NOL4L: variants seen among roughly 807,000 people sequenced by gnomAD.
NOL4L encodes the protein nucleolar protein 4 like.
A neutral mutation model predicts 64.5 loss-of-function variants in NOL4L; 7 were observed. That is an observed-to-expected ratio of 0.11 (90% confidence interval 0.06 to 0.20). The LOEUF (loss-of-function observed/expected upper bound fraction) is 0.20. Ranked by LOEUF, NOL4L falls within the 10% of genes least tolerant of loss-of-function variation. The pLI, the probability that NOL4L is intolerant of heterozygous loss-of-function variation, is 1.00. For missense variants in NOL4L, 680 were observed against 967.1 expected (o/e 0.70, Z 3.94); for synonymous variants, 413 against 401.0 (o/e 1.03, Z -0.36).
chr20:32,473,138 G>A (rs1457827572), intron 5 of NOL4L, among the ~76,000 whole-genome samples: 1 of 152,228 alleles, frequency 6.6e-6, no homozygotes, highest in Non-Finnish European at 1.5e-5. Context: ...AGATCTGCTT[G>A]GGAATGAGTA....
Position 32,584,639 on chromosome 20 carries a change from G to T in NOL4L, c.252C>A (p.Gly84=). ...GKFQFWVRSK[G]FRLGSGREPK... The stretch of plus-strand genomic sequence containing the variant: ...GTTCCCGGCCGCTGCCCAGGCGGAA[G>T]CCCTTGGAGCGCACCCAGAACTGGA... Residue 84 remains glycine (G), a synonymous_variant, in exon 1 of 11, where the codon GGC becomes GGA. Transcript: ENST00000621426. 3.2e-6 allele frequency: 5 copies of T among 1,541,578 alleles called. No individual in the cohort carries two copies. The highest frequency in any genetic ancestry group is 4.4e-6 in the Non-Finnish European group (5 of 1,142,558).
rs1174218793 is a variant in NOL4L at position 32,536,805 on chromosome 20, G to T, written c.322-8892C>A. Among the ~76,000 whole-genome samples, 478 of 122,056 alleles carry T rather than the reference G, an allele frequency of 3.9e-3. 23 individuals carry two copies. Among genetic ancestry groups the T allele is most frequent in the African/African-American group, 0.013 (448 of 33,494 alleles). 80.1% of individuals were successfully genotyped at this position (122,056 alleles called of 152,430 possible). On this transcript the variant is annotated intron_variant, in intron 1 of 10. Transcript: ENST00000621426. ...GCTGCAGCCCGGCTGGGAGTGGGGG[G>T]GGGGGGGCGCACCAACGGGGCGGGG...
At chr20:32,520,726 T>C (rs2017899404) in intron 3 of NOL4L, 85 bp downstream of exon 3, 1 of 794,080 alleles carries the variant, frequency 1.3e-6, no homozygotes, top group Non-Finnish European at 2.0e-6. Context: ...GACACTTTTC[T>C]GTGCCAGCAA....
chr20:32,473,218 G>T (rs2015143923), intron 5 of NOL4L, among the ~76,000 whole-genome samples: 1 of 152,224 alleles, frequency 6.6e-6, no homozygotes, highest in African/African-American at 2.4e-5. Flanking sequence ...CTTCTTGTGG[G>T]GGACCACAGC....
intron 1 of NOL4L, chr20:32,536,344 G>A: frequency 1.0e-6 from 1 of 984,776 alleles, no homozygotes; most frequent in Non-Finnish European, 1.2e-6. Context: ...CGAGCGGAGA[G>A]CCCCAGGTGC....
At chr20:32,497,247 G>A (rs1040384259) in intron 4 of NOL4L, among the ~76,000 whole-genome samples, 1 of 30,868 alleles carries the variant, frequency 3.2e-5, no homozygotes, top group Non-Finnish European at 7.3e-5. Flanking sequence ...CCACCCACCC[G>A]CCCCATGGAG....
chr20:32,488,370 A>G (rs115827360), intron 4 of NOL4L, among the ~76,000 whole-genome samples: 1,629 of 152,286 alleles, frequency 0.011, 37 homozygotes, highest in African/African-American at 0.036. Context: ...CATTGTGGAA[A>G]TGAGGGTGTG....
chr20:32,471,382 C>T (rs1479007883), intron 5 of NOL4L, among the ~76,000 whole-genome samples: 1 of 149,208 alleles, frequency 6.7e-6, no homozygotes, highest in Admixed American at 6.6e-5. Context: ...AGAGCAGACA[C>T]TCACCCCGGT....
At chr20:32,569,095 T>C (rs1466675338) in intron 1 of NOL4L, among the ~76,000 whole-genome samples, 3 of 152,130 alleles carry the variant, frequency 2.0e-5, no homozygotes, top group Non-Finnish European at 4.4e-5. Flanking sequence ...AAACACAGCT[T>C]TGTCAGATGT....
chr20:32,584,998 T>C lies in NOL4L; in HGVS notation c.-108A>G. ...CGGGCCGGGACGCGCCGCGGCCGCG[T>C]CTGTCCCGCGGTGTGGCTCCGGCGA... is the stretch of plus-strand genomic sequence containing the variant. On this transcript the variant is annotated 5_prime_UTR_variant, in exon 1 of 11. Coordinates refer to ENST00000621426, the MANE Select transcript of NOL4L (RefSeq NM_001256798.2). The C allele has an allele frequency of 1.7e-6, 1 of 592,562 alleles. No individual in the cohort carries two copies. 36.7% of individuals were successfully genotyped at this position (592,562 alleles called of 1,614,324 possible).
At chr20:32,572,378 T>A (rs1220496414) in intron 1 of NOL4L, 1 of 152,186 alleles carries the variant, frequency 6.6e-6, no homozygotes, top group Non-Finnish European at 1.5e-5. Flanking sequence ...TTGTTCTCAC[T>A]CCACAGCAGA....
intron 1 of NOL4L, among the ~76,000 whole-genome samples, chr20:32,551,652 C>T (rs575811442): frequency 6.6e-6 from 1 of 151,924 alleles, no homozygotes; most frequent in Non-Finnish European, 1.5e-5. Flanking sequence ...TGTCTCCCTA[C>T]CTGGGGGAGG....
rs147102905 is a variant in NOL4L at position 32,549,802 on chromosome 20, T to C, written c.322-21889A>G. 2.2e-3 allele frequency among the ~76,000 whole-genome samples: 332 copies of C among 152,206 alleles called. 3 individuals are homozygous for C. The highest frequency in any genetic ancestry group is 0.02 in the Middle Eastern group (6 of 294). On this transcript the variant is annotated intron_variant, in intron 1 of 10. Coordinates refer to ENST00000621426, the MANE Select transcript of NOL4L (RefSeq NM_001256798.2). Reference sequence around the variant, plus strand: ...AAGTTTTGGCAAAAATGTAGAGAAATTGCAACCCTCATGCACTGCTGGTGG... The same window carrying C: ...AAGTTTTGGCAAAAATGTAGAGAAACTGCAACCCTCATGCACTGCTGGTGG...
At chr20:32,556,472 A>C (rs6057596) in intron 1 of NOL4L, among the ~76,000 whole-genome samples, 4 of 152,188 alleles carry the variant, frequency 2.6e-5, no homozygotes, top group African/African-American at 9.6e-5. Context: ...GCCCTGCCCA[A>C]ATCCTGCCAG....
At chr20:32,560,264 C>A (rs938404317) in intron 1 of NOL4L, among the ~76,000 whole-genome samples, 1 of 152,174 alleles carries the variant, frequency 6.6e-6, no homozygotes, top group Non-Finnish European at 1.5e-5. Context: ...CCCTGGCACA[C>A]GTGGACACCA....
At chr20:32,535,438 TGC>T in intron 1 of NOL4L, 1 of 224,900 alleles carries the variant, frequency 4.4e-6, no homozygotes, top group Non-Finnish European at 7.4e-6. Context: ...ATATAGCACC[TGC>T]CTCTTCTCCA....
intron 5 of NOL4L, among the ~76,000 whole-genome samples, chr20:32,457,553 C>A (rs2013666825): frequency 6.6e-6 from 1 of 152,080 alleles, no homozygotes; most frequent in Non-Finnish European, 1.5e-5. Context: ...CCATGGCGAC[C>A]GAGCGGCTCT....
At chr20:32,522,382 T>C (rs2017977106) in intron 2 of NOL4L, among the ~76,000 whole-genome samples, 1 of 152,218 alleles carries the variant, frequency 6.6e-6, no homozygotes, top group Non-Finnish European at 1.5e-5. Flanking sequence ...AACCCCAGTG[T>C]CTCTGACTGG....
intron 9 of NOL4L, 97 bp downstream of exon 9, chr20:32,452,787 C>A: frequency 6.4e-7 from 1 of 1,554,716 alleles, no homozygotes; most frequent in Non-Finnish European, 8.7e-7. Flanking sequence ...CTTCTCCCGA[C>A]TGTACCCATC....
Sources: gnomAD v4.1 joint callset for allele counts (sites outside exome capture counted in the v4.1 genomes callset) on GRCh38, gnomAD v4.1.1 for gene constraint, MANE v1.5 for transcripts, NCBI Gene and HGNC (gene_info 2026-07-23, HGNC 2026-07-21) for gene names.